The following KCNMA1 variants were observed in gnomAD, a reference collection of about 807,000 sequenced individuals.
KCNMA1 encodes the protein Calcium-activated potassium channel subunit alpha-1.
Under a neutral mutation model 140.0 loss-of-function variants are expected in KCNMA1, and 29 were observed. That is an observed-to-expected ratio of 0.21 (90% confidence interval 0.15 to 0.28). KCNMA1 has a LOEUF of 0.28. Among genes scored for constraint, KCNMA1 ranks in the 10% least tolerant of loss-of-function variants. The pLI, the probability that KCNMA1 is intolerant of heterozygous loss-of-function variation, is 1.00. For synonymous variants in KCNMA1, 612 were observed against 611.9 expected, an observed-to-expected ratio of 1.00 and a Z score of 0.00; for missense variants, 880 against 1,602.2, an observed-to-expected ratio of 0.55 and a Z score of 7.70.
chr10:77,545,332 TGA>T (rs1291122536), intron 1 of KCNMA1, among the ~76,000 whole-genome samples: 1 of 152,236 alleles, frequency 6.6e-6, no homozygotes, highest in Non-Finnish European at 1.5e-5. Flanking sequence ...CATATTTAAA[TGA>T]GTTTCCACTC....
chr10:77,455,264 T>G (rs2097740230), intron 1 of KCNMA1, among the ~76,000 whole-genome samples: 1 of 152,136 alleles, frequency 6.6e-6, no homozygotes, highest in Non-Finnish European at 1.5e-5. Flanking sequence ...AGGCTGAGGC[T>G]TCTAAAATAG....
At chr10:77,628,293 T>C (rs541175791) in intron 1 of KCNMA1, among the ~76,000 whole-genome samples, 1 of 152,288 alleles carries the variant, frequency 6.6e-6, no homozygotes, top group African/African-American at 2.4e-5. Context: ...AAAAACTCTT[T>C]TGCAAAAGAC....
At chr10:77,636,989 C>T in intron 1 of KCNMA1, 1 of 1,409,038 alleles carries the variant, frequency 7.1e-7, no homozygotes, top group Non-Finnish European at 9.2e-7. Context: ...CCGGCCCCAG[C>T]CGCAGCCGCC....
intron 3 of KCNMA1, among the ~76,000 whole-genome samples, chr10:77,195,190 T>C (rs2040049737): frequency 6.6e-6 from 1 of 152,194 alleles, no homozygotes; most frequent in South Asian, 2.1e-4. Context: ...CTTAGCTCCG[T>C]CTTTGGCTGA....
intron 1 of KCNMA1, among the ~76,000 whole-genome samples, chr10:77,514,898 G>GA (rs1555407973): frequency 6.6e-6 from 1 of 150,472 alleles, no homozygotes; most frequent in Non-Finnish European, 1.5e-5. Flanking sequence ...TGCCTGTTTT[G>GA]TTTTTTTTTG....
chr10:77,295,533 G>A (rs1424167103), intron 2 of KCNMA1, among the ~76,000 whole-genome samples: 1 of 151,944 alleles, frequency 6.6e-6, no homozygotes, highest in Non-Finnish European at 1.5e-5. Context: ...TGTAATCCCA[G>A]CACTTTGGGA....
chr10:77,525,051 C>T (rs575378344), intron 1 of KCNMA1, among the ~76,000 whole-genome samples: 75 of 152,248 alleles, frequency 4.9e-4, no homozygotes, highest in Admixed American at 8.5e-4. Context: ...AGTAAGGTAC[C>T]GTGTTCGATT....
intron 2 of KCNMA1, among the ~76,000 whole-genome samples, chr10:77,314,826 C>A (rs1602206991): frequency 6.6e-6 from 1 of 152,052 alleles, no homozygotes; most frequent in East Asian, 1.9e-4. Flanking sequence ...TGTGAATAAA[C>A]AGCTTGAACT....
At chr10:77,016,954 T>C (rs989184546) in intron 17 of KCNMA1, among the ~76,000 whole-genome samples, 3 of 152,206 alleles carry the variant, frequency 2.0e-5, no homozygotes, top group Admixed American at 2.0e-4. Context: ...AAATCTCCAA[T>C]GTCCTTTCTG....
intron 18 of KCNMA1, among the ~76,000 whole-genome samples, chr10:77,004,645 C>A (rs1209637465): frequency 2.0e-5 from 3 of 152,146 alleles, no homozygotes; most frequent in African/African-American, 7.2e-5. Flanking sequence ...ATTGAACACT[C>A]TCTGTGTAAA....
At chr10:77,568,716 T>C (rs2069460836) in intron 1 of KCNMA1, among the ~76,000 whole-genome samples, 1 of 149,048 alleles carries the variant, frequency 6.7e-6, no homozygotes, top group Non-Finnish European at 1.5e-5. Context: ...TTCAACATAG[T>C]GTTGGAAGTT....
intron 2 of KCNMA1, among the ~76,000 whole-genome samples, chr10:77,283,456 G>T (rs1054629291): frequency 2.6e-5 from 4 of 152,134 alleles, no homozygotes; most frequent in African/African-American, 9.7e-5. Flanking sequence ...TGCCTGTCAG[G>T]CACAACAGCT....
At chr10:76,981,590 G>A (rs532331501) in intron 19 of KCNMA1, among the ~76,000 whole-genome samples, 11 of 152,218 alleles carry the variant, frequency 7.2e-5, no homozygotes, top group African/African-American at 2.4e-4. Context: ...GAGGCATGGC[G>A]GGGTAGAGAG....
At chr10:77,251,918 G>A (rs1419697997) in intron 2 of KCNMA1, among the ~76,000 whole-genome samples, 5 of 152,216 alleles carry the variant, frequency 3.3e-5, no homozygotes, top group Non-Finnish European at 7.3e-5. Context: ...AAATTTGCTC[G>A]TACAAATGTC....
At chr10:77,290,127 C>T (rs1261920898) in intron 2 of KCNMA1, among the ~76,000 whole-genome samples, 2 of 152,168 alleles carry the variant, frequency 1.3e-5, no homozygotes, top group East Asian at 1.9e-4. Context: ...CATAGACCTA[C>T]ACACCAAATT....
chr10:77,058,105 A>G (rs2153658094), intron 14 of KCNMA1, among the ~76,000 whole-genome samples: 1 of 152,178 alleles, frequency 6.6e-6, no homozygotes, highest in Middle Eastern at 3.4e-3. Context: ...CCAATCAAAA[A>G]AGAAAGCTTG....
intron 3 of KCNMA1, among the ~76,000 whole-genome samples, chr10:77,224,293 A>G (rs916261929): frequency 3.9e-5 from 6 of 152,220 alleles, no homozygotes; most frequent in African/African-American, 1.4e-4. Context: ...CCTTCTGAAC[A>G]GTTTCTAAAA....
intron 6 of KCNMA1, among the ~76,000 whole-genome samples, chr10:77,116,520 G>A (rs1005729284): frequency 3.3e-5 from 5 of 151,752 alleles, no homozygotes; most frequent in Non-Finnish European, 1.5e-5. Flanking sequence ...TTTGTTTCTG[G>A]TACTGCCAGG....
chr10:77,004,360 C>T (rs756178964), intron 18 of KCNMA1, among the ~76,000 whole-genome samples: 11 of 152,118 alleles, frequency 7.2e-5, no homozygotes, highest in Non-Finnish European at 1.2e-4. Flanking sequence ...ATGTCTAGAT[C>T]AAGGTGCCAC....
Sources: gnomAD v4.1 joint callset for allele counts (sites outside exome capture counted in the v4.1 genomes callset) on GRCh38, gnomAD v4.1.1 for gene constraint, MANE v1.5 for transcripts, NCBI Gene and HGNC (gene_info 2026-07-23, HGNC 2026-07-21) for gene names.